The following UAP1 variants were observed in gnomAD, a reference collection of about 807,000 sequenced individuals.
UAP1 encodes UDP-N-acetylglucosamine pyrophosphorylase 1, also known as UDP-N-acetylhexosamine pyrophosphorylase.
Under a neutral mutation model 58.5 loss-of-function variants are expected in UAP1, and 25 were observed. That is an observed-to-expected ratio of 0.43 (90% CI 0.31 to 0.60). The LOEUF (loss-of-function observed/expected upper bound fraction) is 0.60, where lower values mean the gene tolerates loss of function less well. UAP1 is among the 20% of genes least tolerant of loss of function. The probability of loss-of-function intolerance (pLI) is 0.11; values close to 1 mark genes in which losing one functional copy is unlikely to be tolerated. For synonymous variants in UAP1, 208 were observed against 213.0 expected (o/e 0.98, Z 0.21); for missense variants, 575 against 630.0 (o/e 0.91, Z 0.93).
chr1:162,587,945 T>C (rs534021751), intron 6 of UAP1: 1 of 295,422 alleles, frequency 3.4e-6, no homozygotes, highest in South Asian at 1.2e-4. Context: ...CTAGGTTCTG[T>C]TGAAGCAAAG....
chr1:162,575,452 GAGAA>G (rs1346852965), intron 2 of UAP1, among the ~76,000 whole-genome samples: 1 of 152,066 alleles, frequency 6.6e-6, no homozygotes, highest in East Asian at 1.9e-4. Flanking sequence ...TTTTGTTTTT[GAGAA>G]AGAGTTTTAC....
chr1:162,566,404 T>G, intron 2 of UAP1, 56 bp downstream of exon 2: 1 of 1,526,136 alleles, frequency 6.6e-7, no homozygotes, highest in Non-Finnish European at 8.9e-7. Context: ...ACTAAAATTG[T>G]TCAGGTAGCT....
intron 2 of UAP1, among the ~76,000 whole-genome samples, chr1:162,571,678 T>G (rs1402771117): frequency 6.6e-6 from 1 of 152,232 alleles, no homozygotes. Flanking sequence ...CCATATAAAA[T>G]TTATGTTATG....
intron 5 of UAP1, among the ~76,000 whole-genome samples, chr1:162,586,027 G>C (rs1473664979): frequency 2.0e-5 from 3 of 152,162 alleles, no homozygotes; most frequent in Non-Finnish European, 4.4e-5. Flanking sequence ...GGCAAACAGT[G>C]AACCACACAA....
At chr1:162,590,566 G>T in intron 8 of UAP1, 55 bp downstream of exon 8, 5 of 1,422,586 alleles carry the variant, frequency 3.5e-6, no homozygotes, top group East Asian at 2.4e-5. Flanking sequence ...TTTTCCTCTT[G>T]GACTTCTCTC....
At position 162,588,684 on chromosome 1, in the gene UAP1, GCTT is replaced by G; in HGVS notation, c.1029-5_1029-3del. On this transcript the variant is annotated splice_polypyrimidine_tract_variant and splice_region_variant and intron_variant, in intron 6 of 10. Transcript: ENST00000271469. ...ACGTGATTATATCTTTTCTCCTCCT[GCTT>G]CTTAGTGTTTATGAACCTCAGTTGC... 6.3e-7 allele frequency: 1 copy of G among 1,593,112 alleles called. No homozygotes were observed. The highest frequency in any genetic ancestry group is 8.5e-7 in the Non-Finnish European group (1 of 1,172,240).
At chr1:162,595,719 A>G (rs1655581716) in intron 9 of UAP1, among the ~76,000 whole-genome samples, 6 of 152,214 alleles carry the variant, frequency 3.9e-5, no homozygotes, top group Admixed American at 1.3e-4. Context: ...GGGATGTTCA[A>G]GATGCACATA....
chr1:162,563,903 G>GAATC (rs1653335604), intron 1 of UAP1, among the ~76,000 whole-genome samples: 1 of 152,126 alleles, frequency 6.6e-6, no homozygotes, highest in Admixed American at 6.5e-5. Flanking sequence ...TGATTGCATA[G>GAATC]AATCAAATGA....
At chr1:162,586,812 T>A (rs1654929219) in intron 5 of UAP1, among the ~76,000 whole-genome samples, 2 of 152,184 alleles carry the variant, frequency 1.3e-5, no homozygotes, top group Non-Finnish European at 2.9e-5. Context: ...CATCACTGGT[T>A]TTCAGAATTA....
chr1:162,583,626 G>A lies in UAP1; in HGVS notation c.834+2167G>A, dbSNP rs189911286. On this transcript the variant is annotated intron_variant, in intron 5 of 10. Transcript: ENST00000271469. ...AATCCTGAGTTCTAGTACTTTGTTT[G>A]TTTATTTATTTATTTATTTATTTGA... 1.3e-4 allele frequency among the ~76,000 whole-genome samples: 19 copies of A among 151,890 alleles called. No individual in the cohort carries two copies. In the East Asian group the frequency reaches 1.7e-3, roughly 14 times the overall value.
chr1:162,589,175 AT>A (rs573943226), intron 7 of UAP1, among the ~76,000 whole-genome samples: 2,003 of 98,014 alleles, frequency 0.02, 73 homozygotes, highest in African/African-American at 0.075. Flanking sequence ...ATATATAAAT[AT>A]TATATATAAT....
exon 10 of UAP1, chr1:162,597,838 C>T: frequency 6.2e-7 from 1 of 1,613,222 alleles, no homozygotes; most frequent in Non-Finnish European, 8.5e-7. Context: ...AATCTCTCCT[C>T]TTATCTCCTA....
At chr1:162,565,073 T>TGA (rs1653404869) in intron 1 of UAP1, among the ~76,000 whole-genome samples, 1 of 152,110 alleles carries the variant, frequency 6.6e-6, no homozygotes, top group Non-Finnish European at 1.5e-5. Context: ...TTTGCCATGT[T>TGA]GCCCAGGTTG....
intron 5 of UAP1, among the ~76,000 whole-genome samples, chr1:162,582,303 G>T (rs990976682): frequency 3.9e-5 from 6 of 152,060 alleles, no homozygotes; most frequent in African/African-American, 1.4e-4. Context: ...AAGGTGGCCA[G>T]GAAAATGTTG....
At chr1:162,576,831 A>C in exon 3 of UAP1, 1 of 1,614,186 alleles carries the variant, frequency 6.2e-7, no homozygotes. Flanking sequence ...GCTGGTGGGC[A>C]GGGGACAAGA....
At chr1:162,585,443 G>A (rs1243574614) in intron 5 of UAP1, among the ~76,000 whole-genome samples, 1 of 150,170 alleles carries the variant, frequency 6.7e-6, no homozygotes, top group Admixed American at 6.6e-5. Context: ...TTAATTTTCA[G>A]TAGAGATGGG....
rs12091021 is a variant in UAP1 at position 162,599,280 on chromosome 1, A to G, written c.1486A>G (p.Ser496Gly). The G allele has an allele frequency of 3.1e-3, 5,036 of 1,610,918 alleles. 135 individuals carry two copies. The African/African-American group carries it at 0.059, about 19-fold the overall frequency. ...TCAATCCTCTTTTTAGGGATTAGAA[A>G]GTTATGTGGCAGATAAAGAATTCCA... Residue 496 changes from serine (S) to glycine (G), a missense_variant, in exon 11 of 11, where the codon AGT (serine) becomes GGT (glycine). Physicochemically the swap from Ser to Gly is moderately conservative, Grantham distance 56 (BLOSUM62 0). Coordinates refer to ENST00000271469, the Ensembl canonical transcript of UAP1.
chr1:162,577,799 A>G (rs976137428), intron 3 of UAP1, among the ~76,000 whole-genome samples: 2 of 151,914 alleles, frequency 1.3e-5, no homozygotes, highest in African/African-American at 4.8e-5. Flanking sequence ...TTTAGTAGAG[A>G]TGGAGTTTCA....
intron 2 of UAP1, among the ~76,000 whole-genome samples, chr1:162,571,974 T>G (rs1241552590): frequency 1.3e-5 from 2 of 152,236 alleles, no homozygotes; most frequent in African/African-American, 2.4e-5. Context: ...TTTCACTGTT[T>G]GCTCATAAGT....
Sources: gnomAD v4.1 joint callset for allele counts (sites outside exome capture counted in the v4.1 genomes callset) on GRCh38, gnomAD v4.1.1 for gene constraint, MANE v1.5 for transcripts, NCBI Gene and HGNC (gene_info 2026-07-23, HGNC 2026-07-21) for gene names.